Variants in TBC1D24 observed in about 807,000 individuals in gnomAD.
The protein encoded by TBC1D24 is TBC1 domain family member 24.
A neutral mutation model predicts 50.7 loss-of-function variants in TBC1D24; 47 were observed. The ratio of observed to expected loss-of-function variants is 0.93; its 90% CI spans 0.73 to 1.18. The LOEUF is 1.18. Ranked by LOEUF, TBC1D24 falls within the 50% of genes most tolerant of loss-of-function variation. The pLI, the probability that TBC1D24 is intolerant of heterozygous loss-of-function variation, is 0.00. For missense variants in TBC1D24, 688 were observed against 766.5 expected, an observed-to-expected ratio of 0.90 and a Z score of 1.21; for synonymous variants, 324 against 335.2, an observed-to-expected ratio of 0.97 and a Z score of 0.36.
intron 4 of TBC1D24, among the ~76,000 whole-genome samples, chr16:2,498,695 G>A (rs1468611355): frequency 6.6e-6 from 1 of 152,054 alleles, no homozygotes; most frequent in Admixed American, 6.5e-5. Context: ...TGGGCGGCAG[G>A]TCCTGGCTGT....
rs888290911 is a variant in TBC1D24, at chr16:2,489,090, AAG to A, written c.-115-6942_-115-6941del. On this transcript the variant is annotated intron_variant, in intron 1 of 7. Coordinates refer to ENST00000646147, the MANE Select transcript of TBC1D24 (RefSeq NM_001199107.2). ...TTCTCAAAAAAAAAAAAAAACAAGA[AAG>A]AAATATTTGCTTTGGAGCAGGAACA... Among the ~76,000 whole-genome samples, 6 of 149,860 alleles carry A rather than the reference AAG, an allele frequency of 4.0e-5. No homozygotes were observed. In the South Asian group the frequency reaches 6.3e-4, roughly 16 times the overall value.
intron 1 of TBC1D24, chr16:2,477,760 G>A (rs2065579912): frequency 6.6e-6 from 1 of 152,232 alleles, no homozygotes; most frequent in South Asian, 2.1e-4. Flanking sequence ...GCAAAGGCGT[G>A]GCATCCAGCT....
chr16:2,495,061 CA>C (rs1380849907), intron 1 of TBC1D24, among the ~76,000 whole-genome samples: 1 of 150,370 alleles, frequency 6.7e-6, no homozygotes, highest in African/African-American at 2.5e-5. Flanking sequence ...TAATAATAAA[CA>C]AAAAAACAGG....
In TBC1D24 at chr16:2,496,253, G is replaced by A; in HGVS notation, c.105G>A (p.Leu35=). 6.2e-7 allele frequency: 1 copy of A among 1,613,844 alleles called. No individual in the cohort carries two copies. Among genetic ancestry groups the A allele is most frequent in the Non-Finnish European group, 8.5e-7 (1 of 1,180,028 alleles). The change falls in exon 2 of 8, where the codon CTG becomes CTA. Residue 35 remains leucine, a synonymous_variant. Coordinates refer to ENST00000646147, the MANE Select transcript of TBC1D24 (RefSeq NM_001199107.2). ...KELSCTELQE[L]KQLARQGYWA... ...TGAGCTGCACTGAACTGCAGGAACTGAAGCAGCTGGCGCGCCAGGGCTACT... is the reference window on the plus strand; with the variant it reads ...TGAGCTGCACTGAACTGCAGGAACTAAAGCAGCTGGCGCGCCAGGGCTACT...
At chr16:2,488,857 G>A (rs1233859864) in intron 1 of TBC1D24, among the ~76,000 whole-genome samples, 4 of 143,636 alleles carry the variant, frequency 2.8e-5, no homozygotes, top group African/African-American at 7.8e-5. Context: ...TCAGGAGATC[G>A]AGACCATCCT....
At position 2,503,911 on chromosome 16, in the gene TBC1D24, A is replaced by T. The variant is rs2065814549; in HGVS notation, c.*2953A>T. On this transcript the variant is annotated 3_prime_UTR_variant, in exon 8 of 8. Coordinates refer to ENST00000646147, the MANE Select transcript of TBC1D24 (RefSeq NM_001199107.2). ...ACTTTGTGCTGAATAAATGTTTAACATTTATTTTTAAAACAACAATTGCAC... is the reference window on the plus strand; with the variant it reads ...ACTTTGTGCTGAATAAATGTTTAACTTTTATTTTTAAAACAACAATTGCAC... The T allele has an allele frequency of 1.3e-5, 2 of 152,132 alleles. No homozygotes were observed. The highest frequency in any genetic ancestry group is 4.1e-4 in the South Asian group (2 of 4,830). The allele number at this position is 152,132 out of a possible 1,614,324, so 9.4% of individuals were successfully genotyped here. A position where few individuals can be genotyped will look rare whatever the true frequency, so the allele number is the denominator to read the frequency against.
rs749626631 is a variant in TBC1D24, at chr16:2,499,829, C to T, written c.1207-6C>T. On this transcript the variant is annotated splice_polypyrimidine_tract_variant and splice_region_variant and intron_variant, in intron 5 of 7. Transcript: ENST00000646147. The surrounding 1 kb of genome is among the most constrained non-coding windows in gnomAD (Gnocchi z 4.0). ...GGGCACAGCCTCACCCAGACCTTTCCCCCAGGTGTGTGGTGCTTACCTGTC... is the reference window on the plus strand; with the variant it reads ...GGGCACAGCCTCACCCAGACCTTTCTCCCAGGTGTGTGGTGCTTACCTGTC... 1.9e-6 allele frequency: 3 copies of T among 1,613,472 alleles called. No individual in the cohort carries two copies. Among genetic ancestry groups the T allele is most frequent in the Non-Finnish European group, 1.7e-6 (2 of 1,179,558 alleles).
Position 2,501,280 on chromosome 16 carries a change from G to T in TBC1D24, c.*322G>T. ...AAGGCCTTGGGAGTGTCTGGGTCTT[G>T]CTGCCCCTGAGCCTCTCTAGGCAGC... On this transcript the variant is annotated 3_prime_UTR_variant, in exon 8 of 8. Coordinates refer to ENST00000646147, the MANE Select transcript of TBC1D24 (RefSeq NM_001199107.2). 2.4e-6 allele frequency: 1 copy of T among 415,716 alleles called. No individual in the cohort carries two copies. The highest frequency in any genetic ancestry group is 2.6e-5 in the South Asian group (1 of 38,042). The allele number at this position is 415,716 out of a possible 1,614,324, so 25.8% of individuals were successfully genotyped here.
Position 2,500,697 on chromosome 16 carries a change from G to C in TBC1D24, c.1526-107G>C. ...GCTATGGAGGGTCAACGGTCTGTGC[G>C]GTTTCAGAGAGGCCCGTGCAGGGCA... On this transcript the variant is annotated intron_variant, in intron 7 of 7. Transcript: ENST00000646147. This position sits in a 1 kb window ranked among gnomAD's most constrained non-coding sequence, Gnocchi z 8.0. The C allele has an allele frequency of 2.7e-6, 4 of 1,454,614 alleles. No individual in the cohort carries two copies. The highest frequency in any genetic ancestry group is 2.8e-6 in the Non-Finnish European group (3 of 1,088,344). The allele number at this position is 1,454,614 out of a possible 1,614,324, so 90.1% of individuals were successfully genotyped here.
At position 2,500,911 on chromosome 16, in the gene TBC1D24, A is replaced by T. The variant is rs773874436; in HGVS notation, c.1633A>T (p.Ile545Phe). The T allele has an allele frequency of 1.9e-6, 3 of 1,613,018 alleles. No homozygotes were observed. The highest frequency in any genetic ancestry group is 2.5e-6 in the Non-Finnish European group (3 of 1,179,928). The change falls in exon 8 of 8, where the codon ATT (isoleucine) becomes TTT (phenylalanine). Residue 545 changes from isoleucine (I) to phenylalanine (F), a missense_variant. Coordinates refer to ENST00000646147, the MANE Select transcript of TBC1D24 (RefSeq NM_001199107.2). This position sits in a 1 kb window ranked among gnomAD's most constrained non-coding sequence, Gnocchi z 8.0. The stretch of plus-strand genomic sequence containing the variant: ...GCCCCTCTGCTCCGAGAACTTCCTC[A>T]TTGCTGCCGTGGAGGCCTGGGGCTT... ...NQPLCSENFL[I>F]AAVEAWGFQD...
intron 1 of TBC1D24, among the ~76,000 whole-genome samples, chr16:2,493,395 TC>T (rs2065712430): frequency 1.3e-5 from 2 of 152,076 alleles, no homozygotes; most frequent in African/African-American, 4.8e-5. Context: ...CGCCTCGGCC[TC>T]CCAAAGTGCT....
rs1235491563 is a variant in TBC1D24 at position 2,496,847 on chromosome 16, G to A, written c.699G>A (p.Leu233=). The A allele has an allele frequency of 1.9e-6, 3 of 1,613,980 alleles. No homozygotes were observed. The highest frequency in any genetic ancestry group is 2.2e-5 in the East Asian group (1 of 44,906). The change falls in exon 2 of 8, where the codon CTG becomes CTA. Residue 233 remains leucine, a synonymous_variant. Coordinates refer to ENST00000646147, the MANE Select transcript of TBC1D24 (RefSeq NM_001199107.2). ...CYFARVFDVF[L]VEGYKVLYRV... ...TCGCCCGGGTCTTTGACGTCTTCCT[G>A]GTGGAGGGCTACAAGGTGCTGTACC...
rs1596972306 is a variant in TBC1D24, at chr16:2,500,004, C to T, written c.1302+74C>T. On this transcript the variant is annotated intron_variant, in intron 6 of 7. Coordinates refer to ENST00000646147, the MANE Select transcript of TBC1D24 (RefSeq NM_001199107.2). This position sits in a 1 kb window ranked among gnomAD's most constrained non-coding sequence, Gnocchi z 8.0. ...CATCCCTCCAGGAGCACCCGCCTGC[C>T]CTGGGGACACTGTTGGGTGTCGCCA... is the stretch of plus-strand genomic sequence containing the variant. 7.3e-7 allele frequency: 1 copy of T among 1,365,312 alleles called. No individual in the cohort carries two copies. The highest frequency in any genetic ancestry group is 1.0e-6 in the Non-Finnish European group (1 of 953,208). 84.6% of individuals were successfully genotyped at this position (1,365,312 alleles called of 1,614,324 possible). A position where few individuals can be genotyped will look rare whatever the true frequency, so the allele number is the denominator to read the frequency against.
chr16:2,493,693 T>A (rs1444590499), intron 1 of TBC1D24: 1 of 152,216 alleles, frequency 6.6e-6, no homozygotes, highest in African/African-American at 2.4e-5. Context: ...ACTTCTACCA[T>A]CCCAGGTGGA....
rs1198089781 is a variant in TBC1D24 at position 2,499,533 on chromosome 16, C to T, written c.1206+113C>T. 3.0e-6 allele frequency: 3 copies of T among 986,072 alleles called. No homozygotes were observed. The highest frequency in any genetic ancestry group is 4.7e-6 in the Non-Finnish European group (3 of 636,520). 61.1% of individuals were successfully genotyped at this position (986,072 alleles called of 1,614,324 possible). Reference sequence around the variant, plus strand: ...AGGGCCTAGGCCTCCTGGGCCAGATCCAGAGTCAGAGCGTGGGTATGGCCA... The same window carrying T: ...AGGGCCTAGGCCTCCTGGGCCAGATTCAGAGTCAGAGCGTGGGTATGGCCA... On this transcript the variant is annotated intron_variant, in intron 5 of 7. Transcript: ENST00000646147. The surrounding 1 kb of genome is among the most constrained non-coding windows in gnomAD (Gnocchi z 4.0).
intron 3 of TBC1D24, 54 bp from the exon 4 acceptor site, chr16:2,498,184 A>C: frequency 6.5e-7 from 1 of 1,549,560 alleles, no homozygotes; most frequent in South Asian, 1.2e-5. Flanking sequence ...CTCGGGGGGC[A>C]TGGCCTGGCC....
In TBC1D24 at chr16:2,487,742, T is replaced by G. The variant is rs763336763; in HGVS notation, c.-115-8292T>G. On this transcript the variant is annotated intron_variant, in intron 1 of 7. Transcript: ENST00000646147. This position sits in a 1 kb window ranked among gnomAD's most constrained non-coding sequence, Gnocchi z 4.1. ...TGGTGTTTGGGGATGGCAGGTGGTG[T>G]TACTAGTGGCAGCCTTGCCGGGGTG... 4.0e-5 allele frequency among the ~76,000 whole-genome samples: 6 copies of G among 151,834 alleles called. No individual in the cohort carries two copies. Among genetic ancestry groups the G allele is most frequent in the Non-Finnish European group, 8.8e-5 (6 of 67,958 alleles).
In TBC1D24 at chr16:2,496,875, G is replaced by T; in HGVS notation, c.727G>T (p.Val243Leu). 1 of 1,614,114 alleles carries T rather than the reference G, an allele frequency of 6.2e-7. No individual in the cohort carries two copies. The highest frequency in any genetic ancestry group is 8.5e-7 in the Non-Finnish European group (1 of 1,180,038). ...LVEGYKVLYRVALAILKFFHK... is the reference protein window; with the variant it reads ...LVEGYKVLYRLALAILKFFHK... Reference sequence around the variant, plus strand: ...GGAGGGCTACAAGGTGCTGTACCGCGTGGCGCTGGCCATCCTCAAGTTCTT... The same window carrying T: ...GGAGGGCTACAAGGTGCTGTACCGCTTGGCGCTGGCCATCCTCAAGTTCTT... Residue 243 changes from valine (V) to leucine (L), a missense_variant, in exon 2 of 8, where the codon GTG (valine) becomes TTG (leucine). By Grantham distance (32) the Val-to-Leu change is conservative (BLOSUM62 1). Transcript: ENST00000646147.
intron 1 of TBC1D24, among the ~76,000 whole-genome samples, chr16:2,476,318 T>C (rs2065568225): frequency 1.3e-5 from 2 of 152,234 alleles, no homozygotes; most frequent in African/African-American, 4.8e-5. Flanking sequence ...GGCTCTGTCT[T>C]CAGCACACAG....
Sources: allele counts gnomAD v4.1 joint callset (sites outside exome capture counted in the v4.1 genomes callset), GRCh38; gene constraint gnomAD v4.1.1; non-coding constraint Gnocchi (gnomAD v3.1); transcripts MANE v1.5; gene names NCBI Gene and HGNC (gene_info 2026-07-23, HGNC 2026-07-21).